The following LMNB1 variants were observed in gnomAD, a reference collection of about 807,000 sequenced individuals.
LMNB1 encodes lamin B1.
LMNB1 carries 23 observed loss-of-function variants against 67.1 expected under a neutral mutation model. The ratio of observed to expected loss-of-function variants is 0.34; its 90% CI spans 0.25 to 0.49. The LOEUF (loss-of-function observed/expected upper bound fraction) is 0.49. Ranked by LOEUF, LMNB1 falls within the 20% of genes least tolerant of loss-of-function variation. The pLI is 0.99. For missense variants in LMNB1, 634 were observed against 746.5 expected, an observed-to-expected ratio of 0.85 and a Z score of 1.76; for synonymous variants, 281 against 282.9, an observed-to-expected ratio of 0.99 and a Z score of 0.07.
rs372063334 is a variant in LMNB1 at position 126,778,299 on chromosome 5, A to G, written c.359+432A>G. Among the ~76,000 whole-genome samples the G allele has an allele frequency of 4.6e-5, 7 of 151,890 alleles. No individual in the cohort carries two copies. The South Asian group carries it at 6.3e-4, about 14-fold the overall frequency. On this transcript the variant is annotated intron_variant, in intron 1 of 10. Coordinates refer to ENST00000261366, the MANE Select transcript of LMNB1 (RefSeq NM_005573.4). The stretch of plus-strand genomic sequence containing the variant: ...CGGCGCGAGACAAAGCGTCTAGCGG[A>G]TTTGCAGTGCCGGGATGGGCGGCCG...
chr5:126,790,479 C>A (rs1242203510), intron 1 of LMNB1, among the ~76,000 whole-genome samples: 2 of 152,062 alleles, frequency 1.3e-5, no homozygotes. Context: ...GAAATACTTA[C>A]ATAGTCCCCA....
intron 1 of LMNB1, among the ~76,000 whole-genome samples, chr5:126,800,433 A>G (rs1166100431): frequency 3.9e-5 from 6 of 151,964 alleles, no homozygotes; most frequent in Non-Finnish European, 7.4e-5. Context: ...AGATGGAGTT[A>G]GGAATGGGAA....
chr5:126,784,569 C>T (rs1750715531), intron 1 of LMNB1, among the ~76,000 whole-genome samples: 1 of 149,476 alleles, frequency 6.7e-6, no homozygotes, highest in African/African-American at 2.5e-5. Flanking sequence ...CTTGCCCAGG[C>T]TGGTCTTGAG....
intron 5 of LMNB1, among the ~76,000 whole-genome samples, chr5:126,817,493 T>A (rs1751740994): frequency 6.6e-6 from 1 of 152,208 alleles, no homozygotes; most frequent in Non-Finnish European, 1.5e-5. Flanking sequence ...TTTATAACTT[T>A]TTCTGTCTAA....
intron 4 of LMNB1, among the ~76,000 whole-genome samples, chr5:126,811,190 G>A (rs577650332): frequency 2.0e-5 from 3 of 152,354 alleles, no homozygotes; most frequent in Admixed American, 6.5e-5. Flanking sequence ...AGGAGCTAAA[G>A]TAAGGATCCG....
intron 1 of LMNB1, among the ~76,000 whole-genome samples, chr5:126,784,014 ATTTTTTTT>A (rs61578729): frequency 1.5e-4 from 9 of 59,436 alleles, no homozygotes; most frequent in Admixed American, 2.5e-4. Flanking sequence ...CTGTCATTTG[ATTTTTTTT>A]TTTTTTTTTT....
chr5:126,817,377 T>A (rs959849044), intron 5 of LMNB1, among the ~76,000 whole-genome samples: 41 of 152,244 alleles, frequency 2.7e-4, no homozygotes, highest in Non-Finnish European at 4.3e-4. Flanking sequence ...AATTAAGATC[T>A]GGGCACTGAG....
rs567396751 is a variant in LMNB1, at chr5:126,784,048, G to C, written c.359+6181G>C. On this transcript the variant is annotated intron_variant, in intron 1 of 10. Transcript: ENST00000261366. ...TTTTTTTTTTTTTTTTTTTGAGACA[G>C]AGTTTTGCTCTCGTTGCCCAGGCTG... is the stretch of plus-strand genomic sequence containing the variant. Among the ~76,000 whole-genome samples the C allele has an allele frequency of 3.2e-3, 327 of 101,338 alleles. No homozygotes were observed. In the Middle Eastern group the frequency reaches 0.036, roughly 11 times the overall value. 66.5% of individuals were successfully genotyped at this position (101,338 alleles called of 152,430 possible).
intron 5 of LMNB1, among the ~76,000 whole-genome samples, chr5:126,813,019 G>A (rs1751617308): frequency 6.6e-6 from 1 of 152,096 alleles, no homozygotes; most frequent in Admixed American, 6.5e-5. Context: ...GTGAGCCACC[G>A]TGCCCAGCCT....
intron 2 of LMNB1, among the ~76,000 whole-genome samples, chr5:126,805,330 C>T (rs767635392): frequency 2.0e-4 from 31 of 152,218 alleles, no homozygotes; most frequent in Non-Finnish European, 4.1e-4. Context: ...GTGAGTCATA[C>T]GTCTCTGTTC....
At chr5:126,827,192 A>G (rs1177302311) in intron 9 of LMNB1, among the ~76,000 whole-genome samples, 2 of 152,166 alleles carry the variant, frequency 1.3e-5, no homozygotes, top group Admixed American at 1.3e-4. Flanking sequence ...GTGCAGGGCT[A>G]TTCATTTATT....
intron 3 of LMNB1, among the ~76,000 whole-genome samples, chr5:126,809,513 C>A (rs1378489661): frequency 3.3e-5 from 5 of 152,084 alleles, no homozygotes; most frequent in African/African-American, 1.2e-4. Flanking sequence ...ATGGGGAAAT[C>A]TCATCTCTAC....
At chr5:126,813,678 C>T (rs1404421245) in intron 5 of LMNB1, among the ~76,000 whole-genome samples, 1 of 152,130 alleles carries the variant, frequency 6.6e-6, no homozygotes, top group Admixed American at 6.5e-5. Flanking sequence ...ATAGATGGTG[C>T]CTTCTTGCTG....
At chr5:126,784,856 G>C (rs1028907177) in intron 1 of LMNB1, among the ~76,000 whole-genome samples, 8 of 149,834 alleles carry the variant, frequency 5.3e-5, no homozygotes, top group Admixed American at 2.0e-4. Context: ...TAGAGGCTGG[G>C]TTTCACCGTG....
chr5:126,779,193 C>T, intron 1 of LMNB1, among the ~76,000 whole-genome samples: 1 of 152,190 alleles, frequency 6.6e-6, no homozygotes, highest in East Asian at 1.9e-4. Flanking sequence ...CATATGTTTT[C>T]GGTTCATAAA....
At chr5:126,829,815 T>C (rs970717483) in intron 9 of LMNB1, among the ~76,000 whole-genome samples, 3 of 151,974 alleles carry the variant, frequency 2.0e-5, no homozygotes, top group African/African-American at 4.8e-5. Context: ...ACAGCCACAT[T>C]GCACTGGGCT....
chr5:126,797,074 C>A (rs767261884), intron 1 of LMNB1, among the ~76,000 whole-genome samples: 79 of 152,140 alleles, frequency 5.2e-4, no homozygotes, highest in Non-Finnish European at 1.6e-4. Context: ...CAAGAGTGAG[C>A]CACTGCACCC....
In LMNB1 at chr5:126,795,901, C is replaced by T. The variant is rs535108318; in HGVS notation, c.360-8875C>T. 1.0e-3 allele frequency among the ~76,000 whole-genome samples: 146 copies of T among 145,810 alleles called. 1 individual carries two copies. The highest frequency in any genetic ancestry group is 3.6e-3 in the Admixed American group (52 of 14,282). On this transcript the variant is annotated intron_variant, in intron 1 of 10. Coordinates refer to ENST00000261366, the MANE Select transcript of LMNB1 (RefSeq NM_005573.4). The stretch of plus-strand genomic sequence containing the variant: ...TTGGCCTCCCAAAGTGCTGGGATTA[C>T]AGGCGTGAGCCACTGCGCCTGGCCC...
chr5:126,804,755 T>A (rs755633743), intron 1 of LMNB1, 21 bp from the exon 2 acceptor site: 4 of 1,610,806 alleles, frequency 2.5e-6, no homozygotes, highest in Non-Finnish European at 2.5e-6. Context: ...TGATGTCTTA[T>A]GCTTTTTAAA....
Sources: allele counts gnomAD v4.1 joint callset (sites outside exome capture counted in the v4.1 genomes callset), GRCh38; gene constraint gnomAD v4.1.1; transcripts MANE v1.5; gene names NCBI Gene and HGNC (gene_info 2026-07-23, HGNC 2026-07-21).